The following USP24 variants were observed in gnomAD, a reference collection of about 807,000 sequenced individuals.
The protein encoded by USP24 is ubiquitin carboxyl-terminal hydrolase 24.
In USP24, 97 loss-of-function variants were observed where a neutral mutation model predicts 361.6. The ratio of observed to expected loss-of-function variants is 0.27; its 90% CI spans 0.23 to 0.32. The LOEUF (loss-of-function observed/expected upper bound fraction) is 0.32, where lower values mean the gene tolerates loss of function less well. USP24 is among the 10% of genes least tolerant of loss of function. The pLI is 1.00. For synonymous variants in USP24, 1,098 were observed against 1,124.6 expected (o/e 0.98, Z 0.47); for missense variants, 2,353 against 3,165.6 (o/e 0.74, Z 6.16).
chr1:55,214,911 C>G lies in USP24; in HGVS notation c.203G>C (p.Gly68Ala). Residue 68 changes from glycine (G) to alanine (A), a missense_variant, in exon 1 of 68, where the codon GGG (glycine) becomes GCG (alanine). By Grantham distance (60) the Gly-to-Ala change is moderately conservative. This residue lies in a region of USP24 where 253 missense variants were observed against 255.3 expected (regional missense o/e 0.99). Coordinates refer to ENST00000294383, the MANE Select transcript of USP24 (RefSeq NM_015306.3). ...SGGGPSPGPGGGPRGDGGGDG... is the reference protein window; with the variant it reads ...SGGGPSPGPGAGPRGDGGGDG... ...ACCTCCGCCGTCGCCCCGCGGGCCC[C>G]CGCCGGGCCCGGGGCTGGGGCCACC... The G allele has an allele frequency of 2.3e-6, 3 of 1,291,968 alleles. No homozygotes were observed. Among genetic ancestry groups the G allele is most frequent in the Non-Finnish European group, 3.0e-6 (3 of 1,011,638 alleles). The allele number at this position is 1,291,968 out of a possible 1,614,324, so 80.0% of individuals were successfully genotyped here.
chr1:55,104,327 T>G (rs1242003784), intron 41 of USP24, among the ~76,000 whole-genome samples: 1 of 152,146 alleles, frequency 6.6e-6, no homozygotes, highest in Admixed American at 6.5e-5. Context: ...AAAGATGACA[T>G]GGGAATAACT....
At chr1:55,105,582 G>A (rs1056544185) in intron 41 of USP24, among the ~76,000 whole-genome samples, 2 of 152,212 alleles carry the variant, frequency 1.3e-5, no homozygotes, top group African/African-American at 4.8e-5. Context: ...ATAGCAGCTT[G>A]TAGCTCTGCC....
chr1:55,134,497 C>T, intron 28 of USP24, 84 bp from the exon 29 acceptor site: 1 of 1,245,460 alleles, frequency 8.0e-7, no homozygotes, highest in South Asian at 1.3e-5. Flanking sequence ...AATAAAAATA[C>T]TAGTTCTGAA....
rs763923289 is a variant in USP24, at chr1:55,157,360, A to C, written c.1238T>G (p.Leu413Arg). ...TTTGGATAAAGTGCTATCTTCTATTAGTTTGGTTACCTAAAAAGATAAGAT... is the reference window on the plus strand; with the variant it reads ...TTTGGATAAAGTGCTATCTTCTATTCGTTTGGTTACCTAAAAAGATAAGAT... Reference protein sequence around the residue: ...KMNSLKEVTKLIEDSTLSKSV... With the variant: ...KMNSLKEVTKRIEDSTLSKSV... Residue 413 changes from leucine to arginine, a missense_variant, in exon 11 of 68, where the codon CTA (leucine) becomes CGA (arginine). Leu to Arg is a moderately radical substitution (Grantham distance 102). Transcript: ENST00000294383. 1 of 1,575,288 alleles carries C rather than the reference A, an allele frequency of 6.3e-7. No homozygotes were observed. The highest frequency in any genetic ancestry group is 8.6e-7 in the Non-Finnish European group (1 of 1,163,048).
rs145909007 is a variant in USP24, at chr1:55,191,483, T to C, written c.325-13351A>G. ...AGTATTTACTTACTTATAAGATCAA[T>C]ATGGCACTTTCTTTTTTTTTTTTTT... On this transcript the variant is annotated intron_variant, in intron 1 of 67. Coordinates refer to ENST00000294383, the MANE Select transcript of USP24 (RefSeq NM_015306.3). 5.8e-3 allele frequency among the ~76,000 whole-genome samples: 799 copies of C among 137,704 alleles called. 8 individuals carry two copies. The highest frequency in any genetic ancestry group is 0.02 in the African/African-American group (769 of 39,338). 90.3% of individuals were successfully genotyped at this position (137,704 alleles called of 152,430 possible).
At chr1:55,152,481 T>C (rs1425753763) in intron 16 of USP24, among the ~76,000 whole-genome samples, 1 of 152,224 alleles carries the variant, frequency 6.6e-6, no homozygotes, top group Non-Finnish European at 1.5e-5. Flanking sequence ...TGACCTTTTA[T>C]ATATAAAAGA....
intron 1 of USP24, among the ~76,000 whole-genome samples, chr1:55,213,774 C>T (rs1644908235): frequency 6.6e-6 from 1 of 152,098 alleles, no homozygotes; most frequent in Non-Finnish European, 1.5e-5. Context: ...AGTCCGTTTT[C>T]TTCCCCCACG....
intron 18 of USP24, among the ~76,000 whole-genome samples, chr1:55,147,365 TA>T (rs1557634323): frequency 2.0e-5 from 3 of 152,010 alleles, no homozygotes. Flanking sequence ...CCTAATTTTT[TA>T]AAAAACAATA....
chr1:55,200,079 C>A (rs1213792246), intron 1 of USP24, among the ~76,000 whole-genome samples: 1 of 152,218 alleles, frequency 6.6e-6, no homozygotes, highest in Non-Finnish European at 1.5e-5. Context: ...AATTATCTCC[C>A]ACTGGGTCCC....
intron 5 of USP24, among the ~76,000 whole-genome samples, chr1:55,167,142 C>G (rs1570593560): frequency 6.6e-6 from 1 of 151,988 alleles, no homozygotes; most frequent in African/African-American, 2.4e-5. Flanking sequence ...GCAGGGTCAA[C>G]AAAACCAAGT....
At chr1:55,107,861 A>AAG (rs1553150258) in intron 39 of USP24, among the ~76,000 whole-genome samples, 1 of 150,040 alleles carries the variant, frequency 6.7e-6, no homozygotes, top group African/African-American at 2.5e-5. Context: ...AAAAAAAAAA[A>AAG]AAAAACACAC....
chr1:55,175,250 G>A (rs1412031208), intron 3 of USP24, among the ~76,000 whole-genome samples: 3 of 122,690 alleles, frequency 2.4e-5, no homozygotes, highest in Non-Finnish European at 3.2e-5. Flanking sequence ...TTTTTGAGAC[G>A]GAGCCTCGCA....
intron 55 of USP24, among the ~76,000 whole-genome samples, chr1:55,089,367 G>T (rs1645324447): frequency 6.6e-6 from 1 of 152,168 alleles, no homozygotes; most frequent in African/African-American, 2.4e-5. Context: ...AACCATAGCA[G>T]GGGTTTAAGA....
rs1202327227 is a variant in USP24 at position 55,156,928 on chromosome 1, A to G, written c.1446+20T>C. On this transcript the variant is annotated intron_variant, in intron 12 of 67. Coordinates refer to ENST00000294383, the MANE Select transcript of USP24 (RefSeq NM_015306.3). ...TCCAAAAACATTAGCCAAAGGCAAA[A>G]ATAATTCTGATCAACCTACCTGTAT... 1.9e-6 allele frequency: 3 copies of G among 1,589,274 alleles called. No homozygotes were observed. In the Admixed American group the frequency reaches 5.0e-5, roughly 27 times the overall value.
At chr1:55,196,819 G>A (rs191080085) in intron 1 of USP24, among the ~76,000 whole-genome samples, 1 of 152,268 alleles carries the variant, frequency 6.6e-6, no homozygotes, top group African/African-American at 2.4e-5. Context: ...GGCCCTAATG[G>A]GGAGCTGACC....
chr1:55,124,672 CA>C, intron 34 of USP24, 44 bp from the exon 35 acceptor site: 2 of 1,604,346 alleles, frequency 1.2e-6, no homozygotes, highest in Non-Finnish European at 1.7e-6. Flanking sequence ...AATACTTGAA[CA>C]CATGCCCTGA....
chr1:55,121,226 T>C (rs1050317629), intron 37 of USP24, among the ~76,000 whole-genome samples: 1 of 152,224 alleles, frequency 6.6e-6, no homozygotes, highest in African/African-American at 2.4e-5. Context: ...ATTAGTCTCA[T>C]AACTTTTGGT....
chr1:55,089,307 CCAGATTCCGA>C (rs1645322987), intron 55 of USP24, among the ~76,000 whole-genome samples: 1 of 152,190 alleles, frequency 6.6e-6, no homozygotes, highest in Non-Finnish European at 1.5e-5. Context: ...TCTCTTTCCA[CCAGATTCCGA>C]GTCCCTGAGG....
At chr1:55,144,053 CACT>C (rs1489366971) in intron 21 of USP24, 71 bp downstream of exon 21, 1 of 1,243,502 alleles carries the variant, frequency 8.0e-7, no homozygotes, top group African/African-American at 1.6e-5. Context: ...TCAATTATAA[CACT>C]TTTTTTTTTG....
Sources: gnomAD v4.1 joint callset for allele counts (sites outside exome capture counted in the v4.1 genomes callset) on GRCh38, gnomAD v4.1.1 for gene constraint, gnomAD v4.1.1 regional missense constraint, MANE v1.5 for transcripts, NCBI Gene and HGNC (gene_info 2026-07-23, HGNC 2026-07-21) for gene names.